PKP2: variants seen among roughly 807,000 people sequenced by gnomAD.
The protein encoded by PKP2 is plakophilin-2.
PKP2 carries 73 observed loss-of-function variants against 83.4 expected under a neutral mutation model. That is an observed-to-expected ratio of 0.88 (90% CI 0.72 to 1.06). The LOEUF is 1.06. PKP2 is among the 50% of genes least tolerant of loss of function. The pLI, the probability that PKP2 is intolerant of heterozygous loss-of-function variation, is 0.00. For missense variants in PKP2, 966 were observed against 1,065.4 expected (o/e 0.91, Z 1.30); for synonymous variants, 409 against 430.4 (o/e 0.95, Z 0.62).
chr12:32,872,314 C>G (rs1263945490), intron 3 of PKP2, among the ~76,000 whole-genome samples: 1 of 152,084 alleles, frequency 6.6e-6, no homozygotes, highest in Non-Finnish European at 1.5e-5. Context: ...GGGTGAAGCA[C>G]CTGAGGTCAG....
At chr12:32,871,942 T>C (rs1956899467) in intron 3 of PKP2, among the ~76,000 whole-genome samples, 1 of 152,138 alleles carries the variant, frequency 6.6e-6, no homozygotes, top group African/African-American at 2.4e-5. Flanking sequence ...TCCTATAGCA[T>C]TCCCCCGTTC....
chr12:32,838,702 T>C (rs1592745243), intron 6 of PKP2, among the ~76,000 whole-genome samples: 1 of 152,378 alleles, frequency 6.6e-6, no homozygotes. Flanking sequence ...CTGAAAACTT[T>C]GCTAAGTGTC....
chr12:32,821,055 A>G (rs2137771735), intron 9 of PKP2: 2 of 381,260 alleles, frequency 5.2e-6, no homozygotes, highest in African/African-American at 2.1e-5. Context: ...CACGACAGAA[A>G]GAAGGCCCAC....
At chr12:32,849,017 A>AAC (rs1956673329) in intron 5 of PKP2, among the ~76,000 whole-genome samples, 2 of 151,754 alleles carry the variant, frequency 1.3e-5, no homozygotes, top group African/African-American at 4.8e-5. Flanking sequence ...AAAAAAAAAA[A>AAC]AAAAAAACCT....
chr12:32,796,869 ATCT>A (rs1956131073), intron 10 of PKP2, among the ~76,000 whole-genome samples: 1 of 152,218 alleles, frequency 6.6e-6, no homozygotes, highest in East Asian at 1.9e-4. Context: ...AAACATTTTC[ATCT>A]TCTTCAATTC....
chr12:32,817,457 A>C (rs1218131474), intron 9 of PKP2, among the ~76,000 whole-genome samples: 14 of 152,118 alleles, frequency 9.2e-5, no homozygotes, highest in Non-Finnish European at 1.8e-4. Context: ...TGGGCTGTCC[A>C]TGTCTTGTTT....
At chr12:32,837,557 C>T (rs1363037393) in intron 6 of PKP2, among the ~76,000 whole-genome samples, 1 of 152,196 alleles carries the variant, frequency 6.6e-6, no homozygotes. Context: ...CATTATGGCA[C>T]TCACTTCCCA....
intron 3 of PKP2, among the ~76,000 whole-genome samples, chr12:32,872,049 C>T (rs539805001): frequency 1.4e-4 from 21 of 152,204 alleles, no homozygotes; most frequent in Non-Finnish European, 1.9e-4. Flanking sequence ...TGGGAGATGG[C>T]GATGGGCCTG....
chr12:32,894,249 A>C (rs1238823070), intron 1 of PKP2: 1 of 152,144 alleles, frequency 6.6e-6, no homozygotes, highest in African/African-American at 2.4e-5. Context: ...TAAACTCCAT[A>C]ATATATTAGC....
intron 9 of PKP2, among the ~76,000 whole-genome samples, chr12:32,802,914 C>T (rs1956195137): frequency 1.3e-5 from 2 of 151,968 alleles, no homozygotes; most frequent in Admixed American, 6.6e-5. Context: ...CTGCCTCAGC[C>T]TCCTAAAGTG....
chr12:32,852,471 A>G (rs558801845), intron 4 of PKP2, among the ~76,000 whole-genome samples: 1 of 152,336 alleles, frequency 6.6e-6, no homozygotes, highest in East Asian at 1.9e-4. Flanking sequence ...AAACAATCTA[A>G]ATAATAGCCA....
intron 1 of PKP2, among the ~76,000 whole-genome samples, chr12:32,883,264 G>A (rs1219308688): frequency 6.6e-6 from 1 of 152,206 alleles, no homozygotes; most frequent in East Asian, 1.9e-4. Context: ...TGGATAAATA[G>A]CCAATCTCAA....
At position 32,888,309 on chromosome 12, in the gene PKP2, T is replaced by C. The variant is rs979067452; in HGVS notation, c.223+8200A>G. Among the ~76,000 whole-genome samples the C allele has an allele frequency of 2.6e-5, 4 of 152,206 alleles. No homozygotes were observed. The East Asian group carries it at 7.7e-4, about 29-fold the overall frequency. On this transcript the variant is annotated intron_variant, in intron 1 of 12. Coordinates refer to ENST00000340811, the MANE Select transcript of PKP2 (RefSeq NM_001005242.3). ...TATAACTTCCATGGCAAATATCACA[T>C]TATACTCCCAATAATATAAAAAAAG... is the stretch of plus-strand genomic sequence containing the variant.
At chr12:32,809,798 G>A (rs978824636) in intron 9 of PKP2, among the ~76,000 whole-genome samples, 4 of 152,170 alleles carry the variant, frequency 2.6e-5, no homozygotes, top group African/African-American at 4.8e-5. Context: ...ATCGGTCACC[G>A]CTTCCCTTTG....
In PKP2 at chr12:32,824,947, T is replaced by C. The variant is rs75125095; in HGVS notation, c.1557-785A>G. 8.9e-3 allele frequency among the ~76,000 whole-genome samples: 1,352 copies of C among 152,254 alleles called. 15 individuals are homozygous for C. The highest frequency in any genetic ancestry group is 0.022 in the African/African-American group (918 of 41,538). The stretch of plus-strand genomic sequence containing the variant: ...ACAGTGCAGATTCAGATCATGTGTA[T>C]AGTCTGGTATTATTGTTACTACCTT... On this transcript the variant is annotated intron_variant, in intron 6 of 12. Transcript: ENST00000340811.
chr12:32,841,207 T>A lies in PKP2; in HGVS notation c.1379-2A>T, dbSNP rs1453983744. On this transcript the variant is annotated splice_acceptor_variant, in intron 5 of 12. Coordinates refer to ENST00000340811, the MANE Select transcript of PKP2 (RefSeq NM_001005242.3). LOFTEE classifies it high-confidence loss of function. ...TAGATGACAAATTCCACAGCAAACC[T>A]AGAAAAGCACAGAGTTACCATGAAA... 4 of 1,611,966 alleles carry A rather than the reference T, an allele frequency of 2.5e-6. No homozygotes were observed. The African/African-American group carries it at 5.3e-5, about 22-fold the overall frequency.
rs775423741 is a variant in PKP2, at chr12:32,878,475, G to A, written c.405C>T (p.Ser135=). ...RGTAQYSSQK[S]VEERSLRHPL... Reference sequence around the variant, plus strand: ...GATGCCTCAAGGACCTTTCTTCCACGGACTTCTGGGAGCTGTACTGTGCTG... The same window carrying A: ...GATGCCTCAAGGACCTTTCTTCCACAGACTTCTGGGAGCTGTACTGTGCTG... The change falls in exon 3 of 13, where the codon TCC becomes TCT. Residue 135 remains serine, a synonymous_variant. Transcript: ENST00000340811. The A allele has an allele frequency of 2.3e-5, 37 of 1,613,768 alleles. No individual in the cohort carries two copies. The highest frequency in any genetic ancestry group is 2.7e-5 in the Non-Finnish European group (32 of 1,179,904).
chr12:32,853,294 T>C (rs374523670), intron 4 of PKP2, among the ~76,000 whole-genome samples: 21 of 151,474 alleles, frequency 1.4e-4, no homozygotes, highest in African/African-American at 5.1e-4. Context: ...ACCAATGTAA[T>C]GCGAATATTC....
At chr12:32,850,632 C>T in intron 5 of PKP2, 134 bp downstream of exon 5, 1 of 742,996 alleles carries the variant, frequency 1.3e-6, no homozygotes, top group African/African-American at 1.7e-5. Flanking sequence ...TAACAATGTT[C>T]CTTTAAAGCC....
Sources: gnomAD v4.1 joint callset for allele counts (sites outside exome capture counted in the v4.1 genomes callset) on GRCh38, gnomAD v4.1.1 for gene constraint, MANE v1.5 for transcripts, NCBI Gene and HGNC (gene_info 2026-07-23, HGNC 2026-07-21) for gene names.